ERICH6B: variants seen among roughly 807,000 people sequenced by gnomAD.
The protein encoded by ERICH6B is glutamate-rich protein 6B.
In ERICH6B, 69 loss-of-function variants were observed where a neutral mutation model predicts 80.0. The ratio of observed to expected loss-of-function variants is 0.86; its 90% CI spans 0.71 to 1.05. The LOEUF is 1.05. ERICH6B is among the 50% of genes least tolerant of loss of function. The probability of loss-of-function intolerance (pLI) is 0.00; values close to 1 mark genes in which losing one functional copy is unlikely to be tolerated. For missense variants in ERICH6B, 754 were observed against 796.1 expected, an observed-to-expected ratio of 0.95 and a Z score of 0.64; for synonymous variants, 283 against 291.9, an observed-to-expected ratio of 0.97 and a Z score of 0.31.
intron 2 of ERICH6B, among the ~76,000 whole-genome samples, chr13:45,600,880 A>G (rs1316458167): frequency 1.3e-5 from 2 of 152,082 alleles, no homozygotes; most frequent in African/African-American, 4.8e-5. Context: ...GAATTGCTGG[A>G]TTAAATGGTA....
At chr13:45,602,850 T>C (rs1031176248) in intron 2 of ERICH6B, among the ~76,000 whole-genome samples, 18 of 152,220 alleles carry the variant, frequency 1.2e-4, no homozygotes, top group Non-Finnish European at 2.2e-4. Flanking sequence ...ATTATTGCAA[T>C]TACCTTCTAT....
At chr13:45,611,943 T>A (rs1949902099) in intron 1 of ERICH6B, among the ~76,000 whole-genome samples, 1 of 152,256 alleles carries the variant, frequency 6.6e-6, no homozygotes, top group African/African-American at 2.4e-5. Flanking sequence ...TCCCTGAAGC[T>A]ACATAGTCCA....
chr13:45,563,001 G>A (rs1874753735), intron 10 of ERICH6B, among the ~76,000 whole-genome samples: 1 of 152,148 alleles, frequency 6.6e-6, no homozygotes, highest in African/African-American at 2.4e-5. Flanking sequence ...CGTTAATTGG[G>A]TCCAGTCACC....
At position 45,596,727 on chromosome 13, in the gene ERICH6B, C is replaced by T; in HGVS notation, c.279G>A (p.Glu93=). The change falls in exon 3 of 15, where the codon GAG becomes GAA. Residue 93 remains glutamate, a synonymous_variant. Coordinates refer to ENST00000298738, the MANE Select transcript of ERICH6B (RefSeq NM_182542.3). ...CTGCCTTCTCCAGATACTCTTCCTC[C>T]TCCAGATGCTCTTCCTTCCCCAGAT... ...EEYLGKEEHL[E]EEEYLEKAGY... is the part of the protein sequence containing the mutation. The T allele has an allele frequency of 2.6e-6, 4 of 1,551,718 alleles. No individual in the cohort carries two copies. The South Asian group carries it at 3.6e-5, about 14-fold the overall frequency.
chr13:45,565,526 A>G (rs1874877360), intron 9 of ERICH6B, among the ~76,000 whole-genome samples: 1 of 152,130 alleles, frequency 6.6e-6, no homozygotes. Flanking sequence ...ATGTGTGGTG[A>G]GAGGAACCTG....
chr13:45,572,458 G>A (rs541998123), intron 8 of ERICH6B, among the ~76,000 whole-genome samples: 3 of 152,080 alleles, frequency 2.0e-5, no homozygotes, highest in Non-Finnish European at 1.5e-5. Context: ...GATCTCCTAC[G>A]CCATATTGTT....
chr13:45,595,279 AGATT>A (rs1027700014), intron 3 of ERICH6B, among the ~76,000 whole-genome samples: 72 of 152,332 alleles, frequency 4.7e-4, no homozygotes, highest in African/African-American at 1.7e-3. Flanking sequence ...CAGTAATAGG[AGATT>A]GATTAAAAAT....
At chr13:45,585,489 G>C (rs1875862690) in intron 5 of ERICH6B, among the ~76,000 whole-genome samples, 2 of 152,142 alleles carry the variant, frequency 1.3e-5, no homozygotes, top group African/African-American at 2.4e-5. Flanking sequence ...GACAGAAGGG[G>C]AGAGAAAAAC....
At chr13:45,595,085 C>G (rs1189783565) in intron 3 of ERICH6B, among the ~76,000 whole-genome samples, 1 of 152,230 alleles carries the variant, frequency 6.6e-6, no homozygotes, top group Non-Finnish European at 1.5e-5. Flanking sequence ...AAGTCAAATA[C>G]TTACCCACAG....
intron 11 of ERICH6B, among the ~76,000 whole-genome samples, chr13:45,554,548 T>C (rs1263522663): frequency 6.6e-6 from 1 of 152,232 alleles, no homozygotes; most frequent in Non-Finnish European, 1.5e-5. Context: ...CGAATTCACT[T>C]GTCATGTAAT....
intron 8 of ERICH6B, among the ~76,000 whole-genome samples, chr13:45,570,014 T>C (rs773860531): frequency 1.3e-5 from 2 of 152,244 alleles, no homozygotes; most frequent in Non-Finnish European, 2.9e-5. Flanking sequence ...GAAAACAGAA[T>C]GTCTGTTGTG....
chr13:45,562,874 G>T (rs1874746855), intron 10 of ERICH6B, among the ~76,000 whole-genome samples: 1 of 152,222 alleles, frequency 6.6e-6, no homozygotes, highest in Non-Finnish European at 1.5e-5. Flanking sequence ...GGCATGAATT[G>T]GTACTGGGGG....
Position 45,551,937 on chromosome 13 carries a change from C to T in ERICH6B, c.1408-1621G>A, listed in dbSNP as rs139890874. The stretch of plus-strand genomic sequence containing the variant: ...TAAATTTCTGTTCATTGTAAACTAC[C>T]CAGTCTGTGATTCCCTGTTACAGCA... On this transcript the variant is annotated intron_variant, in intron 11 of 14. Transcript: ENST00000298738. Among the ~76,000 whole-genome samples, 25 of 152,248 alleles carry T rather than the reference C, an allele frequency of 1.6e-4. No individual in the cohort carries two copies. In the East Asian group the frequency reaches 4.1e-3, roughly 25 times the overall value.
chr13:45,561,618 G>C, intron 10 of ERICH6B, 92 bp from the exon 11 acceptor site: 1 of 1,410,620 alleles, frequency 7.1e-7, no homozygotes, highest in Non-Finnish European at 9.5e-7. Context: ...GCCAAAGGGA[G>C]TTTGAGGGTT....
At chr13:45,542,063 AC>A (rs1873802595) in intron 14 of ERICH6B, among the ~76,000 whole-genome samples, 1 of 151,992 alleles carries the variant, frequency 6.6e-6, no homozygotes, top group Admixed American at 6.5e-5. Flanking sequence ...CACAGTGGCT[AC>A]CCGTGAGCCC....
chr13:45,606,340 G>T (rs991908004), intron 2 of ERICH6B, among the ~76,000 whole-genome samples: 2 of 151,160 alleles, frequency 1.3e-5, no homozygotes, highest in African/African-American at 2.4e-5. Context: ...CAGAAGAATG[G>T]TATTTTTGGG....
intron 13 of ERICH6B, among the ~76,000 whole-genome samples, chr13:45,548,991 T>A (rs1191249908): frequency 6.6e-6 from 1 of 152,134 alleles, no homozygotes; most frequent in Non-Finnish European, 1.5e-5. Flanking sequence ...CAAGATAATA[T>A]AAGTCCCTTT....
rs1464041650 is a variant in ERICH6B at position 45,606,531 on chromosome 13, ATATATATATATATATATTTT to A, written c.-59+1013_-59+1032del. On this transcript the variant is annotated intron_variant, in intron 2 of 14. Coordinates refer to ENST00000298738, the MANE Select transcript of ERICH6B (RefSeq NM_182542.3). Reference sequence around the variant, plus strand: ...TATATATATATATATATATATATATATATATATATATATATATTTTTTTTTTTTTTTTTTTTTTTGGAGAC... The same window carrying A: ...TATATATATATATATATATATATATATTTTTTTTTTTTTTTTTTTGGAGAC... Among the ~76,000 whole-genome samples the A allele has an allele frequency of 1.2e-3, 51 of 43,216 alleles. No individual in the cohort carries two copies. The South Asian group carries it at 0.028, about 24-fold the overall frequency. 28.4% of individuals were successfully genotyped at this position (43,216 alleles called of 152,430 possible).
chr13:45,582,740 A>G (rs1035857110), intron 5 of ERICH6B, among the ~76,000 whole-genome samples: 6 of 152,236 alleles, frequency 3.9e-5, no homozygotes, highest in Admixed American at 3.9e-4. Flanking sequence ...ATCATCTTAC[A>G]GTAGCACCCA....
Sources: gnomAD v4.1 joint callset for allele counts (sites outside exome capture counted in the v4.1 genomes callset) on GRCh38, gnomAD v4.1.1 for gene constraint, MANE v1.5 for transcripts, NCBI Gene and HGNC (gene_info 2026-07-23, HGNC 2026-07-21) for gene names.